The following TBC1D5 variants were observed in gnomAD, a reference collection of about 807,000 sequenced individuals.
TBC1D5 encodes the protein TBC1 domain family, member 5.
Under a neutral mutation model 100.3 loss-of-function variants are expected in TBC1D5, and 75 were observed. The observed-to-expected ratio is 0.75, with a 90% CI of 0.62 to 0.91. The LOEUF (loss-of-function observed/expected upper bound fraction) is 0.91. Ranked by LOEUF, TBC1D5 falls within the 40% of genes least tolerant of loss-of-function variation. The pLI is 0.00. For synonymous variants in TBC1D5, 323 were observed against 325.6 expected, an observed-to-expected ratio of 0.99 and a Z score of 0.09; for missense variants, 910 against 942.4, an observed-to-expected ratio of 0.97 and a Z score of 0.45.
intron 17 of TBC1D5, among the ~76,000 whole-genome samples, chr3:17,228,269 C>T (rs755181992): frequency 2.6e-5 from 4 of 152,230 alleles, no homozygotes; most frequent in Admixed American, 6.5e-5. Context: ...CCTAGTTGTA[C>T]GGCCTTGAAC....
chr3:17,540,588 C>T (rs971521812), intron 2 of TBC1D5, among the ~76,000 whole-genome samples: 1 of 152,014 alleles, frequency 6.6e-6, no homozygotes, highest in African/African-American at 2.4e-5. Context: ...CTTTTCTCCA[C>T]TGAATAGTCC....
At position 17,484,468 on chromosome 3, in the gene TBC1D5, G is replaced by C. The variant is rs557262766; in HGVS notation, c.97+24006C>G. ...AGGTAACACCAGGGTGTGTGTGTGT[G>C]TGTGTGTGTGTGTGTGTGTGTTTGG... On this transcript the variant is annotated intron_variant, in intron 3 of 21. Coordinates refer to ENST00000253692, the Ensembl canonical transcript of TBC1D5. Among the ~76,000 whole-genome samples the C allele has an allele frequency of 4.7e-5, 7 of 150,068 alleles. No homozygotes were observed. The East Asian group carries it at 1.4e-3, about 29-fold the overall frequency.
chr3:17,677,908 A>G (rs781619460), intron 1 of TBC1D5, among the ~76,000 whole-genome samples: 3 of 152,198 alleles, frequency 2.0e-5, no homozygotes, highest in Admixed American at 6.5e-5. Context: ...AAAAAAACCA[A>G]ACACTGCATG....
At chr3:17,358,641 G>T (rs982982720) in intron 13 of TBC1D5, among the ~76,000 whole-genome samples, 1 of 152,076 alleles carries the variant, frequency 6.6e-6, no homozygotes, top group African/African-American at 2.4e-5. Context: ...CACTCATTTT[G>T]TTATTGTTTC....
chr3:17,230,803 T>C (rs908516429), intron 17 of TBC1D5, among the ~76,000 whole-genome samples: 1 of 152,144 alleles, frequency 6.6e-6, no homozygotes, highest in African/African-American at 2.4e-5. Context: ...CCATGGGAGA[T>C]TGGTTTCAGG....
chr3:17,575,601 G>A (rs2096652681), intron 2 of TBC1D5, among the ~76,000 whole-genome samples: 1 of 152,046 alleles, frequency 6.6e-6, no homozygotes, highest in Non-Finnish European at 1.5e-5. Context: ...TGAACAGCAG[G>A]AAATAACCTG....
At chr3:17,671,333 T>C (rs1458951905) in intron 1 of TBC1D5, among the ~76,000 whole-genome samples, 1 of 152,112 alleles carries the variant, frequency 6.6e-6, no homozygotes, top group Non-Finnish European at 1.5e-5. Flanking sequence ...GCTTCTCTCG[T>C]AGATGAAAAA....
At chr3:17,194,420 CTAT>C (rs2070376396) in intron 18 of TBC1D5, among the ~76,000 whole-genome samples, 1 of 152,086 alleles carries the variant, frequency 6.6e-6, no homozygotes, top group South Asian at 2.1e-4. Context: ...CTGAGTAGCT[CTAT>C]TATTCTATTT....
chr3:17,728,738 C>G, intron 1 of TBC1D5, among the ~76,000 whole-genome samples: 1 of 151,592 alleles, frequency 6.6e-6, no homozygotes, highest in East Asian at 1.9e-4. Context: ...TCAAATAGGT[C>G]AAAGACTTAT....
At chr3:17,365,157 T>C (rs2151941706) in intron 13 of TBC1D5, among the ~76,000 whole-genome samples, 1 of 152,338 alleles carries the variant, frequency 6.6e-6, no homozygotes, top group African/African-American at 2.4e-5. Context: ...TTCAGTTATT[T>C]AGACTTAATC....
chr3:17,559,515 T>C (rs1259069495), intron 2 of TBC1D5, among the ~76,000 whole-genome samples: 2 of 152,040 alleles, frequency 1.3e-5, no homozygotes, highest in Admixed American at 6.6e-5. Context: ...AATTTTCCTA[T>C]GTAAGAGGAG....
intron 3 of TBC1D5, among the ~76,000 whole-genome samples, chr3:17,437,148 G>A (rs189279200): frequency 1.3e-5 from 2 of 152,220 alleles, no homozygotes; most frequent in Admixed American, 1.3e-4. Flanking sequence ...TTGCCCTTCT[G>A]CTTTCCATCA....
intron 13 of TBC1D5, among the ~76,000 whole-genome samples, chr3:17,341,845 CCT>C (rs1559673222): frequency 1.3e-5 from 2 of 152,152 alleles, no homozygotes; most frequent in East Asian, 3.9e-4. Flanking sequence ...CATCATTTTA[CCT>C]CTCTCCCACC....
At position 17,582,965 on chromosome 3, in the gene TBC1D5, T is replaced by C. The variant is rs571431228; in HGVS notation, c.-36+40884A>G. ...ATAGTCTGAAATGATATAATTACTATATAAAAAATATAACTGCTAAATAAG... is the reference window on the plus strand; with the variant it reads ...ATAGTCTGAAATGATATAATTACTACATAAAAAATATAACTGCTAAATAAG... On this transcript the variant is annotated intron_variant, in intron 2 of 21. Transcript: ENST00000253692. Among the ~76,000 whole-genome samples, 11 of 152,232 alleles carry C rather than the reference T, an allele frequency of 7.2e-5. No homozygotes were observed. In the South Asian group the frequency reaches 2.1e-3, roughly 29 times the overall value.
chr3:17,321,673 TCA>T (rs2085428002), intron 13 of TBC1D5, among the ~76,000 whole-genome samples: 1 of 152,214 alleles, frequency 6.6e-6, no homozygotes, highest in Non-Finnish European at 1.5e-5. Context: ...TTTTGTAATT[TCA>T]GTTTTGATTT....
intron 1 of TBC1D5, among the ~76,000 whole-genome samples, chr3:17,666,134 T>C (rs2067232650): frequency 1.3e-5 from 2 of 152,234 alleles, no homozygotes; most frequent in African/African-American, 4.8e-5. Flanking sequence ...AAGGCAATAA[T>C]TCTATTTTCT....
chr3:17,696,575 G>A (rs1470192824), intron 1 of TBC1D5, among the ~76,000 whole-genome samples: 3 of 152,094 alleles, frequency 2.0e-5, no homozygotes, highest in Non-Finnish European at 4.4e-5. Flanking sequence ...TCTCTGAATA[G>A]AACAATCACA....
intron 1 of TBC1D5, among the ~76,000 whole-genome samples, chr3:17,690,845 G>C (rs1333330612): frequency 6.6e-6 from 1 of 152,128 alleles, no homozygotes; most frequent in East Asian, 1.9e-4. Flanking sequence ...CCAAAAAGGG[G>C]GGACTGCTGC....
intron 13 of TBC1D5, among the ~76,000 whole-genome samples, chr3:17,312,223 T>C (rs895231586): frequency 2.0e-5 from 3 of 152,072 alleles, no homozygotes; most frequent in Non-Finnish European, 4.4e-5. Flanking sequence ...AATTTGAACT[T>C]CTTTAGAAAA....
Sources: allele counts gnomAD v4.1 joint callset (sites outside exome capture counted in the v4.1 genomes callset), GRCh38; gene constraint gnomAD v4.1.1; transcripts MANE v1.5; gene names NCBI Gene and HGNC (gene_info 2026-07-23, HGNC 2026-07-21).